Variants in ATP8A2 observed in about 807,000 individuals in gnomAD.
The protein encoded by ATP8A2 is phospholipid-transporting ATPase IB.
In ATP8A2, 100 loss-of-function variants were observed where a neutral mutation model predicts 165.6. That is an observed-to-expected ratio of 0.60 (90% confidence interval 0.51 to 0.71). The LOEUF is 0.71. Among genes scored for constraint, ATP8A2 ranks in the 30% least tolerant of loss-of-function variants. ATP8A2 has a pLI of 0.00. For synonymous variants in ATP8A2, 543 were observed against 548.8 expected (o/e 0.99, Z 0.15); for missense variants, 1,227 against 1,479.5 (o/e 0.83, Z 2.80).
chr13:25,966,303 C>A (rs76357954), intron 34 of ATP8A2, among the ~76,000 whole-genome samples: 3,644 of 152,304 alleles, frequency 0.024, 70 homozygotes, highest in Non-Finnish European at 0.038. Context: ...TCAGAACACG[C>A]CAAACGCCAG....
chr13:25,854,936 A>G (rs1952114766), intron 30 of ATP8A2, among the ~76,000 whole-genome samples: 1 of 152,122 alleles, frequency 6.6e-6, no homozygotes, highest in Admixed American at 6.5e-5. Flanking sequence ...ATCACCCCCA[A>G]AAGAAACCCT....
chr13:25,400,270 C>T (rs997013186), intron 1 of ATP8A2, among the ~76,000 whole-genome samples: 3 of 152,150 alleles, frequency 2.0e-5, no homozygotes, highest in Admixed American at 6.5e-5. Context: ...AATGACTTAT[C>T]TGGATAACTA....
intron 24 of ATP8A2, among the ~76,000 whole-genome samples, chr13:25,642,516 C>G (rs1300158234): frequency 6.6e-6 from 1 of 152,176 alleles, no homozygotes; most frequent in African/African-American, 2.4e-5. Flanking sequence ...CACTGGCCAT[C>G]AGAGAAATGC....
chr13:25,941,560 C>T (rs1221508183), intron 33 of ATP8A2, among the ~76,000 whole-genome samples: 1 of 152,200 alleles, frequency 6.6e-6, no homozygotes, highest in Non-Finnish European at 1.5e-5. Flanking sequence ...ACCCGTGTGA[C>T]TCTGCTCTGC....
At chr13:25,520,788 T>TA (rs1491129758) in intron 2 of ATP8A2, among the ~76,000 whole-genome samples, 21 of 137,424 alleles carry the variant, frequency 1.5e-4, no homozygotes, top group South Asian at 2.8e-4. Flanking sequence ...TATATATATA[T>TA]TTTTTTTAGT....
intron 25 of ATP8A2, among the ~76,000 whole-genome samples, chr13:25,710,376 T>C (rs1056521427): frequency 6.6e-6 from 1 of 152,210 alleles, no homozygotes; most frequent in African/African-American, 2.4e-5. Flanking sequence ...TCCTTTTATC[T>C]TACTGTATGT....
At position 25,626,720 on chromosome 13, in the gene ATP8A2, G is replaced by A. The variant is rs115488201; in HGVS notation, c.2211+37021G>A. Among the ~76,000 whole-genome samples, 779 of 152,098 alleles carry A rather than the reference G, an allele frequency of 5.1e-3. 6 individuals carry two copies. The highest frequency in any genetic ancestry group is 0.018 in the African/African-American group (745 of 41,494). ...GTGTATTAGTCTGTTTTCACACCGCGGATAAAGACATACCTGAGACTCGGT... is the reference window on the plus strand; with the variant it reads ...GTGTATTAGTCTGTTTTCACACCGCAGATAAAGACATACCTGAGACTCGGT... On this transcript the variant is annotated intron_variant, in intron 24 of 36. Coordinates refer to ENST00000381655, the MANE Select transcript of ATP8A2 (RefSeq NM_016529.6).
At chr13:25,639,628 AC>A (rs2041462134) in intron 24 of ATP8A2, among the ~76,000 whole-genome samples, 1 of 152,130 alleles carries the variant, frequency 6.6e-6, no homozygotes, top group Non-Finnish European at 1.5e-5. Context: ...CTACAAAGAG[AC>A]TCAGACTCCC....
intron 24 of ATP8A2, among the ~76,000 whole-genome samples, chr13:25,618,527 A>G (rs1046688250): frequency 6.6e-6 from 1 of 152,090 alleles, no homozygotes; most frequent in Non-Finnish European, 1.5e-5. Context: ...TACCTCAGTG[A>G]AGACCCATGT....
rs550798599 is a variant in ATP8A2 at position 25,820,294 on chromosome 13, A to G, written c.2680-7824A>G. On this transcript the variant is annotated intron_variant, in intron 27 of 36. Transcript: ENST00000381655. ...AGTTTGGGTCAGTTTGCTCATAACA[A>G]CACTACATTTGAGGACCAAAAACCC... Among the ~76,000 whole-genome samples the G allele has an allele frequency of 2.5e-3, 379 of 152,332 alleles. 3 individuals carry two copies. Among genetic ancestry groups the G allele is most frequent in the African/African-American group, 8.6e-3 (358 of 41,582 alleles).
intron 24 of ATP8A2, among the ~76,000 whole-genome samples, chr13:25,618,798 A>G (rs550854972): frequency 6.6e-6 from 1 of 151,840 alleles, no homozygotes; most frequent in Admixed American, 6.6e-5. Context: ...GCAGGGTCAC[A>G]TAGAATAGCA....
chr13:25,869,356 C>T (rs376806552), intron 33 of ATP8A2, among the ~76,000 whole-genome samples: 9 of 152,154 alleles, frequency 5.9e-5, no homozygotes, highest in South Asian at 2.1e-4. Context: ...TTTCTACAGG[C>T]GGTGATGGGA....
At chr13:25,510,702 A>T (rs1284142251) in intron 2 of ATP8A2, among the ~76,000 whole-genome samples, 1 of 152,216 alleles carries the variant, frequency 6.6e-6, no homozygotes, top group Non-Finnish European at 1.5e-5. Context: ...ATCAGATATG[A>T]GTAGTTACTA....
At position 25,955,723 on chromosome 13, in the gene ATP8A2, C is replaced by G. The variant is rs1028797367; in HGVS notation, c.3184-5852C>G. On this transcript the variant is annotated intron_variant, in intron 33 of 36. Coordinates refer to ENST00000381655, the MANE Select transcript of ATP8A2 (RefSeq NM_016529.6). ...CACAGAGGAGCTGGTACCATTCCTT[C>G]TGGAACTATTCCAAACAATAGAAAA... Among the ~76,000 whole-genome samples the G allele has an allele frequency of 3.3e-5, 5 of 152,194 alleles. No individual in the cohort carries two copies. The South Asian group carries it at 8.3e-4, about 25-fold the overall frequency.
intron 33 of ATP8A2, among the ~76,000 whole-genome samples, chr13:25,949,178 G>A (rs941663809): frequency 3.3e-5 from 5 of 152,192 alleles, no homozygotes; most frequent in African/African-American, 9.6e-5. Context: ...GAAATGAAAT[G>A]GTGTCTGTCT....
intron 25 of ATP8A2, among the ~76,000 whole-genome samples, chr13:25,726,111 ATTAT>A (rs1460609801): frequency 6.6e-6 from 1 of 152,212 alleles, no homozygotes; most frequent in Non-Finnish European, 1.5e-5. Flanking sequence ...AGTGGTGTTT[ATTAT>A]TTAAAGAAAT....
rs933319162 is a variant in ATP8A2, at chr13:25,372,198, C to T, written c.-15C>T. 27 of 1,428,190 alleles carry T rather than the reference C, an allele frequency of 1.9e-5. No individual in the cohort carries two copies. The highest frequency in any genetic ancestry group is 2.0e-5 in the Non-Finnish European group (22 of 1,079,884). The allele number at this position is 1,428,190 out of a possible 1,614,324, so 88.5% of individuals were successfully genotyped here. Reference sequence around the variant, plus strand: ...GTCTCTCGCCCGGGGCCGCCGAGCCCCCGACACGGGCGAGATGCTGAACGG... The same window carrying T: ...GTCTCTCGCCCGGGGCCGCCGAGCCTCCGACACGGGCGAGATGCTGAACGG... On this transcript the variant is annotated 5_prime_UTR_variant, in exon 1 of 37. Coordinates refer to ENST00000381655, the MANE Select transcript of ATP8A2 (RefSeq NM_016529.6). The surrounding 1 kb of genome is among the most constrained non-coding windows in gnomAD (Gnocchi z 4.8).
intron 23 of ATP8A2, among the ~76,000 whole-genome samples, chr13:25,587,490 C>G (rs981366824): frequency 5.9e-5 from 9 of 151,928 alleles, no homozygotes; most frequent in African/African-American, 2.2e-4. Context: ...CTTCAGTTGT[C>G]AAATGGCATT....
Position 25,382,679 on chromosome 13 carries a change from A to C in ATP8A2, c.76+10391A>C, listed in dbSNP as rs1424029733. Among the ~76,000 whole-genome samples the C allele has an allele frequency of 2.6e-5, 4 of 151,868 alleles. No homozygotes were observed. In the South Asian group the frequency reaches 8.3e-4, roughly 32 times the overall value. On this transcript the variant is annotated intron_variant, in intron 1 of 36. Transcript: ENST00000381655. ...TTTAAATTTGTGATTTTCTCATGAC[A>C]TATGACGTTGAGAATCTTTCCATAT...
Sources: allele counts gnomAD v4.1 joint callset (sites outside exome capture counted in the v4.1 genomes callset), GRCh38; gene constraint gnomAD v4.1.1; non-coding constraint Gnocchi (gnomAD v3.1); transcripts MANE v1.5; gene names NCBI Gene and HGNC (gene_info 2026-07-23, HGNC 2026-07-21).